Variants in EYA4 observed in about 807,000 individuals in gnomAD.
EYA4 encodes protein phosphatase EYA4.
A neutral mutation model predicts 87.9 loss-of-function variants in EYA4; 31 were observed. The observed-to-expected ratio is 0.35, with a 90% CI of 0.27 to 0.48. The LOEUF is 0.48. EYA4 is among the 20% of genes least tolerant of loss of function. The probability of loss-of-function intolerance (pLI) is 0.99; values close to 1 mark genes in which losing one functional copy is unlikely to be tolerated. For synonymous variants in EYA4, 263 were observed against 270.6 expected, an observed-to-expected ratio of 0.97 and a Z score of 0.28; for missense variants, 678 against 761.4, an observed-to-expected ratio of 0.89 and a Z score of 1.29.
chr6:133,276,839 C>A (rs1292983513), intron 2 of EYA4, among the ~76,000 whole-genome samples: 3 of 151,436 alleles, frequency 2.0e-5, no homozygotes, highest in Non-Finnish European at 4.4e-5. Flanking sequence ...AAAGCTCTCT[C>A]CATAACATCG....
chr6:133,348,770 C>T (rs1783415089), intron 2 of EYA4, among the ~76,000 whole-genome samples: 1 of 152,006 alleles, frequency 6.6e-6, no homozygotes, highest in African/African-American at 2.4e-5. Flanking sequence ...TTTATTGCTA[C>T]CAACCTAGCT....
chr6:133,319,957 C>G (rs1044114654), intron 2 of EYA4, among the ~76,000 whole-genome samples: 1 of 152,098 alleles, frequency 6.6e-6, no homozygotes, highest in Non-Finnish European at 1.5e-5. Context: ...AAGCAATCCA[C>G]CCACCTCAGC....
At chr6:133,400,476 C>T (rs1233309533) in intron 3 of EYA4, among the ~76,000 whole-genome samples, 1 of 150,024 alleles carries the variant, frequency 6.7e-6, no homozygotes, top group Non-Finnish European at 1.5e-5. Flanking sequence ...CCACTGAACT[C>T]TAGCTTGGGT....
chr6:133,468,048 T>C (rs981372434), intron 10 of EYA4, among the ~76,000 whole-genome samples: 2 of 152,008 alleles, frequency 1.3e-5, no homozygotes, highest in Non-Finnish European at 2.9e-5. Context: ...ATTCATCTTC[T>C]TTTATTTACT....
At chr6:133,473,009 C>A (rs1795409853) in intron 11 of EYA4, among the ~76,000 whole-genome samples, 1 of 151,906 alleles carries the variant, frequency 6.6e-6, no homozygotes, top group Non-Finnish European at 1.5e-5. Context: ...ATTTATAATA[C>A]ACATACTGAT....
chr6:133,526,303 T>C (rs534071652), intron 19 of EYA4, among the ~76,000 whole-genome samples: 19 of 152,176 alleles, frequency 1.2e-4, no homozygotes, highest in Non-Finnish European at 2.1e-4. Flanking sequence ...AGAAAGAATG[T>C]CATCTGTATC....
In EYA4 at chr6:133,531,275, G is replaced by T. The variant is rs1204737580; in HGVS notation, c.*2470G>T. 4 of 1,404,420 alleles carry T rather than the reference G, an allele frequency of 2.8e-6. No homozygotes were observed. The highest frequency in any genetic ancestry group is 3.9e-6 in the Non-Finnish European group (4 of 1,028,386). The allele number at this position is 1,404,420 out of a possible 1,614,324, so 87.0% of individuals were successfully genotyped here. A position where few individuals can be genotyped will look rare whatever the true frequency, so the allele number is the denominator to read the frequency against. ...GAACAGCTTGTCTGGCACAACAATGGTGCAGGCCCACGAGCCAGCATCACA... is the reference window on the plus strand; with the variant it reads ...GAACAGCTTGTCTGGCACAACAATGTTGCAGGCCCACGAGCCAGCATCACA... On this transcript the variant is annotated 3_prime_UTR_variant, in exon 20 of 20. Coordinates refer to ENST00000355286, the MANE Select transcript of EYA4 (RefSeq NM_004100.5).
intron 13 of EYA4, among the ~76,000 whole-genome samples, chr6:133,484,742 G>A (rs540864109): frequency 1.3e-5 from 2 of 152,162 alleles, no homozygotes; most frequent in African/African-American, 4.8e-5. Flanking sequence ...TTCATATTAG[G>A]TAAGTGTTTA....
chr6:133,459,177 G>A (rs1020356664), intron 6 of EYA4, among the ~76,000 whole-genome samples: 2 of 152,068 alleles, frequency 1.3e-5, no homozygotes, highest in African/African-American at 2.4e-5. Flanking sequence ...ACTTTCCTAC[G>A]TGAACATCGT....
intron 2 of EYA4, among the ~76,000 whole-genome samples, chr6:133,349,547 GC>G (rs897750607): frequency 2.6e-5 from 4 of 152,284 alleles, no homozygotes; most frequent in African/African-American, 9.6e-5. Flanking sequence ...GAAAATGATG[GC>G]AAGTTAGTTT....
intron 2 of EYA4, among the ~76,000 whole-genome samples, chr6:133,332,584 G>A (rs556815301): frequency 1.1e-3 from 168 of 151,920 alleles, no homozygotes; most frequent in Non-Finnish European, 2.0e-3. Context: ...CGCCAGTGTT[G>A]CCAGGCTGGA....
chr6:133,276,450 A>T (rs146097995), intron 2 of EYA4, among the ~76,000 whole-genome samples: 537 of 152,274 alleles, frequency 3.5e-3, no homozygotes, highest in African/African-American at 8.8e-3. Flanking sequence ...TTTATGTTTA[A>T]CACTAAAGTG....
At chr6:133,293,601 G>A (rs1778667778) in intron 2 of EYA4, among the ~76,000 whole-genome samples, 1 of 152,070 alleles carries the variant, frequency 6.6e-6, no homozygotes, top group Non-Finnish European at 1.5e-5. Context: ...GGCCTGCACT[G>A]GAGTCAGAGT....
At chr6:133,433,524 T>A (rs776647582) in intron 3 of EYA4, among the ~76,000 whole-genome samples, 5 of 152,128 alleles carry the variant, frequency 3.3e-5, no homozygotes, top group Non-Finnish European at 7.3e-5. Context: ...CCCAGCTAAT[T>A]TTTGTATTTT....
intron 3 of EYA4, among the ~76,000 whole-genome samples, chr6:133,431,678 T>A (rs1281442364): frequency 1.3e-5 from 2 of 152,214 alleles, no homozygotes; most frequent in African/African-American, 4.8e-5. Context: ...CTCCTTAAAA[T>A]TAATGTTATT....
chr6:133,519,787 C>G (rs1355644199), intron 17 of EYA4, among the ~76,000 whole-genome samples: 1 of 151,070 alleles, frequency 6.6e-6, no homozygotes, highest in African/African-American at 2.5e-5. Flanking sequence ...CATCAAAAAG[C>G]TTATCCACCA....
chr6:133,457,168 A>G (rs1009264219), intron 6 of EYA4, among the ~76,000 whole-genome samples: 1 of 152,140 alleles, frequency 6.6e-6, no homozygotes, highest in Admixed American at 6.6e-5. Context: ...TTGCATTAGA[A>G]CCCAGCCTCT....
intron 3 of EYA4, among the ~76,000 whole-genome samples, chr6:133,425,409 T>C (rs1790582048): frequency 6.7e-6 from 1 of 149,864 alleles, no homozygotes; most frequent in Non-Finnish European, 1.5e-5. Flanking sequence ...AATATAATAA[T>C]ATCCATCTTC....
chr6:133,411,703 A>G lies in EYA4; in HGVS notation c.83+29262A>G, dbSNP rs564388134. ...GAAAGTTATTTGCATAATATATCAG[A>G]GCACATAATAATTTATGTATGTAAT... On this transcript the variant is annotated intron_variant, in intron 3 of 19. Coordinates refer to ENST00000355286, the MANE Select transcript of EYA4 (RefSeq NM_004100.5). 3.9e-5 allele frequency among the ~76,000 whole-genome samples: 6 copies of G among 152,356 alleles called. No homozygotes were observed. In the South Asian group the frequency reaches 1.2e-3, roughly 32 times the overall value.
Sources: gnomAD v4.1 joint callset for allele counts (sites outside exome capture counted in the v4.1 genomes callset) on GRCh38, gnomAD v4.1.1 for gene constraint, MANE v1.5 for transcripts, NCBI Gene and HGNC (gene_info 2026-07-23, HGNC 2026-07-21) for gene names.